The following SIDT1 variants were observed in gnomAD, a reference collection of about 807,000 sequenced individuals.
The protein encoded by SIDT1 is SID1 transmembrane family, member 1.
A neutral mutation model predicts 107.5 loss-of-function variants in SIDT1; 101 were observed. That is an observed-to-expected ratio of 0.94 (90% confidence interval 0.80 to 1.11). SIDT1 has a LOEUF of 1.11. Ranked by LOEUF, SIDT1 falls within the 50% of genes least tolerant of loss-of-function variation. The pLI is 0.00. For missense variants in SIDT1, 1,076 were observed against 1,058.2 expected, an observed-to-expected ratio of 1.02 and a Z score of -0.23; for synonymous variants, 395 against 398.2, an observed-to-expected ratio of 0.99 and a Z score of 0.10.
At chr3:113,602,278 T>C (rs1213863469) in intron 11 of SIDT1, 1 of 152,354 alleles carries the variant, frequency 6.6e-6, no homozygotes, top group African/African-American at 2.4e-5. Context: ...CTCTTTAAAA[T>C]GTCAGTGTAG....
intron 21 of SIDT1, 72 bp from the exon 22 acceptor site, chr3:113,623,355 T>G: frequency 3.2e-6 from 3 of 929,652 alleles, no homozygotes. Context: ...CTCAAGGGAC[T>G]GGGGGATTGG....
chr3:113,597,063 T>C (rs754764471), intron 10 of SIDT1, among the ~76,000 whole-genome samples: 3 of 152,234 alleles, frequency 2.0e-5, no homozygotes, highest in Non-Finnish European at 4.4e-5. Flanking sequence ...CTTCTTTTTC[T>C]AGTTTTCTTG....
Position 113,586,268 on chromosome 3 carries a change from C to T in SIDT1, c.1001+998C>T, listed in dbSNP as rs971285369. Among the ~76,000 whole-genome samples the T allele has an allele frequency of 2.6e-5, 4 of 152,060 alleles. No homozygotes were observed. The East Asian group carries it at 7.7e-4, about 29-fold the overall frequency. On this transcript the variant is annotated intron_variant, in intron 9 of 24. Transcript: ENST00000264852. ...TTATTAAGAATAATGAATTATAAAC[C>T]ATTGGAAAAAATAGAAGTGTATGAG...
At chr3:113,602,344 T>A (rs1172667278) in intron 11 of SIDT1, 1 of 152,282 alleles carries the variant, frequency 6.6e-6, no homozygotes, top group African/African-American at 2.4e-5. Flanking sequence ...GAGAAGCATG[T>A]GGGCTCAGTG....
intron 3 of SIDT1, among the ~76,000 whole-genome samples, chr3:113,575,970 A>G: frequency 1.3e-5 from 2 of 152,190 alleles, no homozygotes; most frequent in East Asian, 3.9e-4. Flanking sequence ...TGGGGATCTG[A>G]GACTGCTGTG....
intron 1 of SIDT1, among the ~76,000 whole-genome samples, chr3:113,535,798 C>G (rs1938084476): frequency 6.6e-6 from 1 of 152,182 alleles, no homozygotes; most frequent in Non-Finnish European, 1.5e-5. Flanking sequence ...GTGGAGCCCT[C>G]AAAAGCCACT....
In SIDT1 at chr3:113,612,106, A is replaced by G. The variant is rs16861233; in HGVS notation, c.1878A>G (p.Val626=). 6,703 of 1,614,012 alleles carry G rather than the reference A, an allele frequency of 4.2e-3. 168 individuals are homozygous for G. The Admixed American group carries it at 0.054, about 13-fold the overall frequency. ...VLGVVFGKND[V]WFWVIFSAIH... ...CCTAGGTGTTTGGAAAAAATGACGT[A>G]TGGTTCTGGGTCATCTTCTCTGCAA... The change falls in exon 19 of 25, where the codon GTA becomes GTG. Residue 626 remains valine (V), a synonymous_variant. Coordinates refer to ENST00000264852, the MANE Select transcript of SIDT1 (RefSeq NM_017699.3).
intron 1 of SIDT1, among the ~76,000 whole-genome samples, chr3:113,539,937 G>A (rs928666176): frequency 4.0e-5 from 6 of 151,672 alleles, no homozygotes; most frequent in African/African-American, 1.5e-4. Flanking sequence ...CTGGGAGGCG[G>A]AGGCTGCAGT....
intron 4 of SIDT1, 150 bp downstream of exon 4, chr3:113,577,117 T>C: frequency 2.7e-6 from 2 of 754,396 alleles, no homozygotes; most frequent in Non-Finnish European, 4.6e-6. Flanking sequence ...ACTTTATTCC[T>C]TGTGTTACTG....
intron 9 of SIDT1, chr3:113,589,934 GA>G (rs1205026936): frequency 6.5e-6 from 1 of 152,958 alleles, no homozygotes; most frequent in East Asian, 1.9e-4. Context: ...ATATTATAGT[GA>G]ATGAAACAGT....
the SIDT1 span, among the ~76,000 whole-genome samples, chr3:113,635,660 A>T: frequency 6.6e-6 from 1 of 152,140 alleles, no homozygotes; most frequent in Non-Finnish European, 1.5e-5. Flanking sequence ...AGATCAGGAG[A>T]TCAAGACCAT....
At chr3:113,567,072 A>G (rs927088291) in intron 2 of SIDT1, among the ~76,000 whole-genome samples, 12 of 152,234 alleles carry the variant, frequency 7.9e-5, no homozygotes, top group Non-Finnish European at 1.3e-4. Context: ...GAAGGCATGC[A>G]AAATGGACAC....
chr3:113,590,502 C>T (rs925185232), intron 9 of SIDT1, among the ~76,000 whole-genome samples: 1 of 152,116 alleles, frequency 6.6e-6, no homozygotes, highest in African/African-American at 2.4e-5. Context: ...TAAAATTCGC[C>T]CCTTTAAAGT....
chr3:113,631,416 A>G (rs1947094250), downstream of SIDT1, among the ~76,000 whole-genome samples: 1 of 152,224 alleles, frequency 6.6e-6, no homozygotes, highest in African/African-American at 2.4e-5. Flanking sequence ...GAAACTAAGG[A>G]GAAGCACTAT....
At chr3:113,535,476 T>C (rs965553319) in intron 1 of SIDT1, among the ~76,000 whole-genome samples, 2 of 152,246 alleles carry the variant, frequency 1.3e-5, no homozygotes, top group African/African-American at 4.8e-5. Flanking sequence ...AAAACAAATT[T>C]GGTTTTTATA....
At chr3:113,634,990 C>T in the SIDT1 span, among the ~76,000 whole-genome samples, 1 of 152,138 alleles carries the variant, frequency 6.6e-6, no homozygotes, top group Non-Finnish European at 1.5e-5. Flanking sequence ...AGGACTATTG[C>T]TTCAGGTTCT....
intron 10 of SIDT1, 104 bp downstream of exon 10, chr3:113,593,152 T>C (rs1434580823): frequency 1.1e-6 from 1 of 941,152 alleles, no homozygotes; most frequent in African/African-American, 1.6e-5. Context: ...TTACAAACCC[T>C]CCCTTGATTC....
chr3:113,604,095 C>A, intron 13 of SIDT1, 62 bp downstream of exon 13: 3 of 1,183,532 alleles, frequency 2.5e-6, no homozygotes, highest in Non-Finnish European at 3.6e-6. Context: ...TTAGTCAGAG[C>A]CACAACCACT....
In SIDT1 at chr3:113,627,877, A is replaced by G. The variant is rs1946957492; in HGVS notation, c.*169A>G. On this transcript the variant is annotated 3_prime_UTR_variant, in exon 25 of 25. Transcript: ENST00000264852. ...GGGCTGCGGGAGATTTAAACCTGCA[A>G]GAAAGGAGGCAGAAGGGGAGCCATG... 6.4e-6 allele frequency: 4 copies of G among 629,786 alleles called. No individual in the cohort carries two copies. Among genetic ancestry groups the G allele is most frequent in the South Asian group, 5.9e-5 (3 of 50,918 alleles). 39.0% of individuals were successfully genotyped at this position (629,786 alleles called of 1,614,324 possible).
Sources: gnomAD v4.1 joint callset for allele counts (sites outside exome capture counted in the v4.1 genomes callset) on GRCh38, gnomAD v4.1.1 for gene constraint, MANE v1.5 for transcripts, NCBI Gene and HGNC (gene_info 2026-07-23, HGNC 2026-07-21) for gene names.